Variants in ACBD5 observed in about 807,000 individuals in gnomAD.
ACBD5 encodes acyl-CoA binding domain containing 5.
A neutral mutation model predicts 71.8 loss-of-function variants in ACBD5; 40 were observed. That is an observed-to-expected ratio of 0.56 (90% confidence interval 0.43 to 0.72). The LOEUF (loss-of-function observed/expected upper bound fraction) is 0.72, where lower values mean the gene tolerates loss of function less well. Among genes scored for constraint, ACBD5 ranks in the 30% least tolerant of loss-of-function variants. The probability of loss-of-function intolerance (pLI) is 0.00; values close to 1 mark genes in which losing one functional copy is unlikely to be tolerated. For missense variants in ACBD5, 559 were observed against 644.5 expected (o/e 0.87, Z 1.44); for synonymous variants, 229 against 218.6 (o/e 1.05, Z -0.42).
intron 12 of ACBD5, 54 bp from the exon 13 acceptor site, chr10:27,197,496 T>C: frequency 1.5e-6 from 2 of 1,310,996 alleles, no homozygotes; most frequent in Non-Finnish European, 2.2e-6. Flanking sequence ...CAAATAATTC[T>C]CTGGATGGTA....
downstream of ACBD5, chr10:27,193,397 G>A (rs542165906): frequency 6.6e-6 from 1 of 152,098 alleles, no homozygotes; most frequent in South Asian, 2.1e-4. Context: ...CTGCACTCCA[G>A]CCTGGGCAAC....
chr10:27,232,559 C>T (rs1382957931), intron 3 of ACBD5, among the ~76,000 whole-genome samples: 1 of 152,056 alleles, frequency 6.6e-6, no homozygotes, highest in African/African-American at 2.4e-5. Flanking sequence ...AACTCCTAAC[C>T]TCATGTGATC....
At chr10:27,241,021 A>C, upstream of ACBD5, 1 of 509,094 alleles carries the variant, frequency 2.0e-6, no homozygotes, top group Non-Finnish European at 3.6e-6. Flanking sequence ...TTTTGTTCAG[A>C]AGGGGGAAAC....
intron 4 of ACBD5, among the ~76,000 whole-genome samples, chr10:27,226,449 T>TACACACACAC (rs66967226): frequency 3.9e-4 from 52 of 135,052 alleles, no homozygotes; most frequent in Non-Finnish European, 6.9e-4. Context: ...AGATACAGAC[T>TACACACACAC]ACACACACAC....
At chr10:27,234,994 T>C in intron 3 of ACBD5, 98 bp downstream of exon 3, 1 of 1,298,464 alleles carries the variant, frequency 7.7e-7, no homozygotes, top group Non-Finnish European at 1.1e-6. Context: ...CCTAGGACAC[T>C]TTCTGCACAG....
intron 6 of ACBD5, among the ~76,000 whole-genome samples, chr10:27,218,811 C>G (rs548708577): frequency 5.1e-4 from 78 of 152,168 alleles, no homozygotes; most frequent in African/African-American, 1.8e-3. Flanking sequence ...GTCTCGAACT[C>G]CCAACCTCAG....
intron 9 of ACBD5, among the ~76,000 whole-genome samples, chr10:27,208,997 C>T (rs935121864): frequency 5.3e-5 from 8 of 152,108 alleles, no homozygotes; most frequent in African/African-American, 1.7e-4. Flanking sequence ...TATACTAATA[C>T]ATTATGCAAA....
chr10:27,217,903 G>T, intron 7 of ACBD5, 77 bp downstream of exon 7: 1 of 1,264,626 alleles, frequency 7.9e-7, no homozygotes, highest in Non-Finnish European at 1.1e-6. Flanking sequence ...AAATTAAACT[G>T]ATCCTAAAGA....
Position 27,231,837 on chromosome 10 carries a change from C to T in ACBD5, c.303-17G>A, listed in dbSNP as rs1259126906. ...CAAGCATCCCTAGAAATGAAAGTAT[C>T]CACAAAATGACAAAGAGACATCTGA... On this transcript the variant is annotated splice_polypyrimidine_tract_variant and intron_variant, in intron 3 of 12. Transcript: ENST00000396271. 12 of 1,610,014 alleles carry T rather than the reference C, an allele frequency of 7.5e-6. No homozygotes were observed. Among genetic ancestry groups the T allele is most frequent in the Non-Finnish European group, 9.3e-6 (11 of 1,176,972 alleles).
chr10:27,186,297 T>C, intron 13 of ACBD5: 1 of 1,342,488 alleles, frequency 7.4e-7, no homozygotes, highest in Non-Finnish European at 1.1e-6. Context: ...ATGTGAGACA[T>C]TCTCTTTTTA....
chr10:27,185,618 CAA>C (rs34847161), intron 13 of ACBD5, among the ~76,000 whole-genome samples: 30 of 98,538 alleles, frequency 3.0e-4, no homozygotes, highest in African/African-American at 7.1e-4. Context: ...AGGTGACAGA[CAA>C]AAAAAAAAAA....
At position 27,184,167 on chromosome 10, in the gene ACBD5, A is replaced by G. The variant is rs568113192; in HGVS notation, c.1494-1452T>C. On this transcript the variant is annotated intron_variant, in intron 13 of 13. Transcript: ENST00000676511. ...TCTAGTGGAAAGAGAGACAGTGAAC[A>G]GTTACAGACACAACATAATGTCATG... Among the ~76,000 whole-genome samples the G allele has an allele frequency of 2.0e-5, 3 of 152,344 alleles. No individual in the cohort carries two copies. In the South Asian group the frequency reaches 6.2e-4, roughly 32 times the overall value.
chr10:27,211,147 C>G (rs539148975), intron 8 of ACBD5, 66 bp from the exon 9 acceptor site: 123 of 1,481,940 alleles, frequency 8.3e-5, no homozygotes, highest in Non-Finnish European at 1.1e-4. Context: ...AAAGTTTTTA[C>G]AGCAATAGGA....
intron 9 of ACBD5, among the ~76,000 whole-genome samples, chr10:27,209,631 G>T (rs1178454768): frequency 6.6e-6 from 1 of 152,092 alleles, no homozygotes; most frequent in Non-Finnish European, 1.5e-5. Context: ...CCATCCAAAA[G>T]ATTTTAAATG....
At chr10:27,194,764 G>A (rs2059245216), downstream of ACBD5, among the ~76,000 whole-genome samples, 1 of 152,092 alleles carries the variant, frequency 6.6e-6, no homozygotes, top group Admixed American at 6.6e-5. Context: ...TTGGGAGGCC[G>A]AGGCGGGTAG....
At chr10:27,200,429 C>T (rs961820240) in intron 12 of ACBD5, among the ~76,000 whole-genome samples, 1 of 152,024 alleles carries the variant, frequency 6.6e-6, no homozygotes, top group Non-Finnish European at 1.5e-5. Flanking sequence ...ATTATTCTAT[C>T]CCTCTACTTT....
At chr10:27,212,555 T>A (rs2061203956) in intron 8 of ACBD5, among the ~76,000 whole-genome samples, 1 of 151,434 alleles carries the variant, frequency 6.6e-6, no homozygotes, top group Non-Finnish European at 1.5e-5. Context: ...GGCCTCCTTA[T>A]CATTATTCTT....
At chr10:27,204,599 T>G in intron 11 of ACBD5, 50 bp from the exon 12 acceptor site, 1 of 1,340,180 alleles carries the variant, frequency 7.5e-7, no homozygotes, top group Admixed American at 1.7e-5. Flanking sequence ...ACTGCATGTA[T>G]AAACTTAAAA....
intron 9 of ACBD5, 62 bp downstream of exon 9, chr10:27,210,752 T>C: frequency 6.2e-7 from 1 of 1,610,168 alleles, no homozygotes; most frequent in Non-Finnish European, 8.5e-7. Flanking sequence ...AGCGCGAGAC[T>C]CCATCTCAAA....
Sources: allele counts gnomAD v4.1 joint callset (sites outside exome capture counted in the v4.1 genomes callset), GRCh38; gene constraint gnomAD v4.1.1; transcripts MANE v1.5; gene names NCBI Gene and HGNC (gene_info 2026-07-23, HGNC 2026-07-21).